Variants in AKAP8L observed in about 807,000 individuals in gnomAD.
AKAP8L encodes A-kinase anchoring protein 8 like.
Under a neutral mutation model 77.5 loss-of-function variants are expected in AKAP8L, and 34 were observed. The ratio of observed to expected loss-of-function variants is 0.44; its 90% CI spans 0.33 to 0.58. AKAP8L has a LOEUF of 0.58. Among genes scored for constraint, AKAP8L ranks in the 20% least tolerant of loss-of-function variants. The pLI, the probability that AKAP8L is intolerant of heterozygous loss-of-function variation, is 0.02. For synonymous variants in AKAP8L, 342 were observed against 340.7 expected (o/e 1.00, Z -0.04); for missense variants, 806 against 887.6 (o/e 0.91, Z 1.17).
chr19:15,406,401 G>GAGAGAGAGAGAC (rs1968001675), intron 2 of AKAP8L, among the ~76,000 whole-genome samples: 1 of 142,958 alleles, frequency 7.0e-6, no homozygotes, highest in Non-Finnish European at 1.5e-5. Flanking sequence ...GAGAGAGAGA[G>GAGAGAGAGAGAC]AGATCCTTAA....
At position 15,403,517 on chromosome 19, in the gene AKAP8L, G is replaced by A; in HGVS notation, c.320C>T (p.Thr107Ile). Residue 107 changes from threonine to isoleucine, a missense_variant, in exon 4 of 14, where the codon ACA becomes ATA. Physicochemically the swap from Thr to Ile is moderately conservative, Grantham distance 89. This residue lies in a region of AKAP8L where 580 missense variants were observed against 694.1 expected (regional missense o/e 0.84). Transcript: ENST00000397410. The surrounding 1 kb of genome is among the most constrained non-coding windows in gnomAD (Gnocchi z 4.3). ...QRLDMVPHLE[T>I]DMMQGGVYGS... The stretch of plus-strand genomic sequence containing the variant: ...GTACACGCCTCCTTGCATCATGTCT[G>A]TCTCCAAATGCGGCACCATATCTAA... 6.2e-7 allele frequency: 1 copy of A among 1,613,992 alleles called. No individual in the cohort carries two copies. The highest frequency in any genetic ancestry group is 8.5e-7 in the Non-Finnish European group (1 of 1,179,888).
Position 15,397,643 on chromosome 19 carries a change from G to A in AKAP8L, c.1300-18C>T, listed in dbSNP as rs780024044. On this transcript the variant is annotated intron_variant, in intron 10 of 13. Coordinates refer to ENST00000397410, the MANE Select transcript of AKAP8L (RefSeq NM_014371.4). The surrounding 1 kb of genome is among the most constrained non-coding windows in gnomAD (Gnocchi z 4.7). ...ACGTACTCCTGCAAGGAATATAAAGGTTCATGTGGGCCGCCTTATGTTCTC... is the reference window on the plus strand; with the variant it reads ...ACGTACTCCTGCAAGGAATATAAAGATTCATGTGGGCCGCCTTATGTTCTC... The A allele has an allele frequency of 6.2e-7, 1 of 1,613,898 alleles. No individual in the cohort carries two copies. The highest frequency in any genetic ancestry group is 1.1e-5 in the South Asian group (1 of 91,082).
chr19:15,395,318 TTTTTG>T (rs761461362), intron 12 of AKAP8L, among the ~76,000 whole-genome samples: 26 of 150,456 alleles, frequency 1.7e-4, no homozygotes, highest in South Asian at 1.3e-3. Flanking sequence ...TGTTTTGGTT[TTTTTG>T]TTTTGTTTTG....
chr19:15,413,064 A>T (rs1043319150), intron 1 of AKAP8L, among the ~76,000 whole-genome samples: 2 of 152,228 alleles, frequency 1.3e-5, no homozygotes, highest in Non-Finnish European at 2.9e-5. Context: ...TTAAGACCAC[A>T]GCAGCAGCAG....
intron 1 of AKAP8L, among the ~76,000 whole-genome samples, chr19:15,418,068 A>T (rs1180385156): frequency 6.6e-5 from 10 of 152,172 alleles, no homozygotes; most frequent in Non-Finnish European, 1.5e-4. Context: ...CCTGGGCCAG[A>T]TATCTTTATT....
intron 12 of AKAP8L, among the ~76,000 whole-genome samples, chr19:15,394,423 T>TG (rs1161380352): frequency 6.6e-6 from 1 of 151,980 alleles, no homozygotes. Context: ...GACAAGAGGT[T>TG]GGGGGGGCTG....
At chr19:15,389,235 G>GAAAAAAAAAAAAAAAAAAAAAAAAA (rs1285680371) in intron 12 of AKAP8L, among the ~76,000 whole-genome samples, 1 of 83,862 alleles carries the variant, frequency 1.2e-5, no homozygotes, top group Non-Finnish European at 2.5e-5. Flanking sequence ...AAAAAAAAAA[G>GAAAAAAAAAAAAAAAAAAAAAAAAA]AAAAAAAAAA....
At chr19:15,413,682 G>A (rs1010303843) in intron 1 of AKAP8L, among the ~76,000 whole-genome samples, 5 of 152,194 alleles carry the variant, frequency 3.3e-5, no homozygotes, top group Admixed American at 2.0e-4. Flanking sequence ...GGAATACCCA[G>A]CCCCTGCGGT....
chr19:15,399,332 T>G lies in AKAP8L; in HGVS notation c.1127A>C (p.Lys376Thr). Reference sequence around the variant, plus strand: ...CACCATGCGGTCTCGCTGCCGCTTTTTCTGCTTGTCCTGACTCTTCTTGCC... The same window carrying G: ...CACCATGCGGTCTCGCTGCCGCTTTGTCTGCTTGTCCTGACTCTTCTTGCC... ...QAGKKSQDKQ[K>T]KRQRDRMVER... The change falls in exon 9 of 14, where the codon AAA (lysine) becomes ACA (threonine). Residue 376 changes from lysine to threonine, a missense_variant. By Grantham distance (78) the Lys-to-Thr change is moderately conservative. Coordinates refer to ENST00000397410, the MANE Select transcript of AKAP8L (RefSeq NM_014371.4). The surrounding 1 kb of genome is among the most constrained non-coding windows in gnomAD (Gnocchi z 6.1). 6.2e-7 allele frequency: 1 copy of G among 1,613,880 alleles called. No individual in the cohort carries two copies. Among genetic ancestry groups the G allele is most frequent in the Non-Finnish European group, 8.5e-7 (1 of 1,179,844 alleles).
Position 15,397,415 on chromosome 19 carries a change from C to T in AKAP8L, c.1405+105G>A. ...CCTGGGCCTGAGCCAAGGCTGGTCT[C>T]CTGACCTTCCCTGGGGGAACAGAAG... On this transcript the variant is annotated intron_variant, in intron 11 of 13. Coordinates refer to ENST00000397410, the MANE Select transcript of AKAP8L (RefSeq NM_014371.4). The surrounding 1 kb of genome is among the most constrained non-coding windows in gnomAD (Gnocchi z 4.7). The T allele has an allele frequency of 1.4e-6, 2 of 1,478,692 alleles. No individual in the cohort carries two copies. The highest frequency in any genetic ancestry group is 2.4e-5 in the South Asian group (2 of 84,726). The allele number at this position is 1,478,692 out of a possible 1,614,324, so 91.6% of individuals were successfully genotyped here. A position where few individuals can be genotyped will look rare whatever the true frequency, so the allele number is the denominator to read the frequency against.
chr19:15,382,874 C>T (rs4305200), intron 12 of AKAP8L, among the ~76,000 whole-genome samples: 3,391 of 152,224 alleles, frequency 0.022, 72 homozygotes, highest in Non-Finnish European at 0.032. Context: ...TTTTGGATTT[C>T]GGAGCATTTC....
chr19:15,386,077 A>AT (rs2145107715), intron 12 of AKAP8L, among the ~76,000 whole-genome samples: 1 of 151,614 alleles, frequency 6.6e-6, no homozygotes, highest in African/African-American at 2.4e-5. Flanking sequence ...CGCCCGGCTA[A>AT]TTTTTTGTAT....
intron 1 of AKAP8L, among the ~76,000 whole-genome samples, chr19:15,413,861 T>A (rs1481000833): frequency 6.6e-6 from 1 of 152,124 alleles, no homozygotes; most frequent in Non-Finnish European, 1.5e-5. Context: ...GCAAAATATC[T>A]GTGTCTGTTC....
At chr19:15,409,261 T>C (rs1428312172) in intron 2 of AKAP8L, among the ~76,000 whole-genome samples, 2 of 152,198 alleles carry the variant, frequency 1.3e-5, no homozygotes, top group Admixed American at 1.3e-4. Flanking sequence ...GAGAAATGGC[T>C]TGTACTCAGA....
chr19:15,406,056 G>C (rs550310781), intron 2 of AKAP8L, among the ~76,000 whole-genome samples: 3 of 152,166 alleles, frequency 2.0e-5, no homozygotes, highest in Non-Finnish European at 4.4e-5. Flanking sequence ...ACAGAGTGAG[G>C]AGGCACAACG....
chr19:15,403,283 A>C lies in AKAP8L; in HGVS notation c.362+192T>G. On this transcript the variant is annotated intron_variant, in intron 4 of 13. Transcript: ENST00000397410. The surrounding 1 kb of genome is among the most constrained non-coding windows in gnomAD (Gnocchi z 4.3). The stretch of plus-strand genomic sequence containing the variant: ...AAGGCTGACCACCAGGCAGTGCGGC[A>C]GGGGTTGAGGGTGGGTGAGAGGAGA... 5.0e-6 allele frequency: 3 copies of C among 603,772 alleles called. No individual in the cohort carries two copies. Among genetic ancestry groups the C allele is most frequent in the Non-Finnish European group, 5.9e-6 (2 of 339,726 alleles). 37.4% of individuals were successfully genotyped at this position (603,772 alleles called of 1,614,324 possible). A position where few individuals can be genotyped will look rare whatever the true frequency, so the allele number is the denominator to read the frequency against.
intron 12 of AKAP8L, among the ~76,000 whole-genome samples, chr19:15,384,284 C>T (rs1967480589): frequency 7.2e-6 from 1 of 138,924 alleles, no homozygotes. Context: ...GATCTCAAGC[C>T]TTTCTTCTTC....
chr19:15,392,502 TAAAAA>T (rs74193977), intron 12 of AKAP8L, among the ~76,000 whole-genome samples: 10 of 126,990 alleles, frequency 7.9e-5, no homozygotes, highest in African/African-American at 2.3e-4. Flanking sequence ...ATTTCAAGAA[TAAAAA>T]AAAAAAGTAT....
In AKAP8L at chr19:15,398,469, G is replaced by A. The variant is rs1312456979; in HGVS notation, c.1158-614C>T. 1.3e-5 allele frequency: 8 copies of A among 605,488 alleles called. No homozygotes were observed. The East Asian group carries it at 5.6e-4, about 43-fold the overall frequency. 37.5% of individuals were successfully genotyped at this position (605,488 alleles called of 1,614,324 possible). On this transcript the variant is annotated intron_variant, in intron 9 of 13. Coordinates refer to ENST00000397410, the MANE Select transcript of AKAP8L (RefSeq NM_014371.4). This position sits in a 1 kb window ranked among gnomAD's most constrained non-coding sequence, Gnocchi z 9.2. ...TGAGCTGGAAGGAGGGCGCCCGCTC[G>A]GCCTGCCAGAGGGCAGCCTGGAGTC...
Sources: gnomAD v4.1 joint callset for allele counts (sites outside exome capture counted in the v4.1 genomes callset) on GRCh38, gnomAD v4.1.1 for gene constraint, gnomAD v4.1.1 regional missense constraint, Gnocchi (gnomAD v3.1) non-coding constraint, MANE v1.5 for transcripts, NCBI Gene and HGNC (gene_info 2026-07-23, HGNC 2026-07-21) for gene names.